Variants in ATXN1 observed in about 807,000 individuals in gnomAD.
The protein encoded by ATXN1 is ataxin 1, also known as ataxin-1.
A neutral mutation model predicts 56.4 loss-of-function variants in ATXN1; 8 were observed. That is an observed-to-expected ratio of 0.14 (90% CI 0.08 to 0.26). The LOEUF (loss-of-function observed/expected upper bound fraction) is 0.26, where lower values mean the gene tolerates loss of function less well. ATXN1 is among the 10% of genes least tolerant of loss of function. ATXN1 has a pLI of 1.00. For synonymous variants in ATXN1, 514 were observed against 494.6 expected (o/e 1.04, Z -0.52); for missense variants, 987 against 1,106.5 (o/e 0.89, Z 1.53).
intron 5 of ATXN1, among the ~76,000 whole-genome samples, chr6:16,500,739 A>T (rs965191890): frequency 1.3e-4 from 10 of 75,432 alleles, no homozygotes; most frequent in South Asian, 4.5e-4. Flanking sequence ...TCATTATGAT[A>T]AAAAAAAAAA....
chr6:16,713,671 T>C (rs1176554103), intron 2 of ATXN1, among the ~76,000 whole-genome samples: 1 of 152,188 alleles, frequency 6.6e-6, no homozygotes, highest in Non-Finnish European at 1.5e-5. Context: ...TTACTACCCC[T>C]CACTTAAAGT....
intron 6 of ATXN1, among the ~76,000 whole-genome samples, chr6:16,331,162 G>A (rs910196395): frequency 1.4e-4 from 22 of 152,106 alleles, no homozygotes; most frequent in Non-Finnish European, 8.8e-5. Flanking sequence ...CGCCATGCCT[G>A]GCTAATTTTT....
chr6:16,711,555 T>C (rs1027811579), intron 2 of ATXN1, among the ~76,000 whole-genome samples: 4 of 150,692 alleles, frequency 2.7e-5, no homozygotes, highest in Non-Finnish European at 4.4e-5. Context: ...TATACACATA[T>C]ATATATACAC....
At chr6:16,526,041 C>CTATATATATATATATATATATATA (rs71769107) in intron 4 of ATXN1, among the ~76,000 whole-genome samples, 7 of 127,138 alleles carry the variant, frequency 5.5e-5, no homozygotes, top group African/African-American at 1.3e-4. Context: ...AGAAATAAAT[C>CTATATATATATATATATATATATA]TATATATATA....
chr6:16,684,098 C>T (rs1045729970), intron 2 of ATXN1, among the ~76,000 whole-genome samples: 1 of 152,182 alleles, frequency 6.6e-6, no homozygotes, highest in Non-Finnish European at 1.5e-5. Flanking sequence ...TAGAAGTCAT[C>T]CCCCAAACTT....
intron 3 of ATXN1, among the ~76,000 whole-genome samples, chr6:16,616,628 T>C (rs1247063104): frequency 7.0e-6 from 1 of 142,466 alleles, no homozygotes; most frequent in Non-Finnish European, 1.5e-5. Context: ...TATATATTTA[T>C]ATAAAATATA....
chr6:16,663,473 T>C (rs1403080245), intron 2 of ATXN1, among the ~76,000 whole-genome samples: 2 of 152,148 alleles, frequency 1.3e-5, no homozygotes, highest in African/African-American at 4.8e-5. Context: ...TTCTGTGGCA[T>C]AGACATGTGA....
intron 6 of ATXN1, among the ~76,000 whole-genome samples, chr6:16,402,242 GTTTTTTTTTTTTTTTTTTTTTTTTT>G (rs58048762): frequency 3.2e-5 from 2 of 62,118 alleles, no homozygotes; most frequent in East Asian, 5.9e-4. Flanking sequence ...ACCACTGACA[GTTTTTTTTTTTTTTTTTTTTTTTTT>G]TTTTTTTTTT....
chr6:16,323,525 CAAAAAAAAAA>C (rs35308265), intron 7 of ATXN1, among the ~76,000 whole-genome samples: 31 of 48,850 alleles, frequency 6.3e-4, no homozygotes, highest in African/African-American at 1.6e-3. Context: ...ACTCTGTCTC[CAAAAAAAAAA>C]AAAAAAAAAA....
intron 6 of ATXN1, among the ~76,000 whole-genome samples, chr6:16,355,971 G>A (rs1386377407): frequency 1.3e-5 from 2 of 152,148 alleles, no homozygotes; most frequent in East Asian, 3.9e-4. Context: ...GCAGATGAAG[G>A]GCTGACTCTG....
chr6:16,391,550 T>G (rs1174731115), intron 6 of ATXN1, among the ~76,000 whole-genome samples: 1 of 152,190 alleles, frequency 6.6e-6, no homozygotes, highest in Non-Finnish European at 1.5e-5. Context: ...CGGAGGAAAT[T>G]TAAGTATAAC....
At chr6:16,355,352 T>C (rs963519826) in intron 6 of ATXN1, among the ~76,000 whole-genome samples, 12 of 152,336 alleles carry the variant, frequency 7.9e-5, no homozygotes, top group South Asian at 2.1e-4. Flanking sequence ...CCACCTTCCA[T>C]TTTCCCCAGC....
chr6:16,489,413 T>A (rs1160057580), intron 5 of ATXN1, among the ~76,000 whole-genome samples: 3 of 152,168 alleles, frequency 2.0e-5, no homozygotes, highest in Non-Finnish European at 4.4e-5. Context: ...TCAAAAAAAA[T>A]TAAATTACAA....
intron 6 of ATXN1, among the ~76,000 whole-genome samples, chr6:16,398,973 ATG>A (rs1758510760): frequency 6.6e-6 from 1 of 152,224 alleles, no homozygotes; most frequent in African/African-American, 2.4e-5. Context: ...TGGACTCACC[ATG>A]AGAGGACGAT....
chr6:16,755,412 A>G (rs1760856832), intron 1 of ATXN1, among the ~76,000 whole-genome samples: 1 of 152,186 alleles, frequency 6.6e-6, no homozygotes, highest in African/African-American at 2.4e-5. Context: ...AAAATGGAAT[A>G]CTCAATATTT....
chr6:16,371,602 A>C (rs1304007209), intron 6 of ATXN1, among the ~76,000 whole-genome samples: 1 of 152,142 alleles, frequency 6.6e-6, no homozygotes, highest in Non-Finnish European at 1.5e-5. Flanking sequence ...TGTTGCATCT[A>C]GAGTGCAGTG....
intron 3 of ATXN1, among the ~76,000 whole-genome samples, chr6:16,646,878 G>T (rs1373389653): frequency 6.6e-6 from 1 of 152,200 alleles, no homozygotes; most frequent in Non-Finnish European, 1.5e-5. Flanking sequence ...AATAAACACT[G>T]GAAAAATTTT....
chr6:16,345,586 G>A (rs921371514), intron 6 of ATXN1, among the ~76,000 whole-genome samples: 1 of 152,154 alleles, frequency 6.6e-6, no homozygotes, highest in Non-Finnish European at 1.5e-5. Flanking sequence ...TCGGTGAATG[G>A]GTGGCTGACT....
intron 6 of ATXN1, among the ~76,000 whole-genome samples, chr6:16,359,845 G>A (rs184785781): frequency 2.6e-5 from 4 of 152,094 alleles, no homozygotes; most frequent in African/African-American, 9.6e-5. Context: ...ATGTTCTCAC[G>A]CATAAGTGGG....
Sources: gnomAD v4.1 joint callset for allele counts (sites outside exome capture counted in the v4.1 genomes callset) on GRCh38, gnomAD v4.1.1 for gene constraint, MANE v1.5 for transcripts, NCBI Gene and HGNC (gene_info 2026-07-23, HGNC 2026-07-21) for gene names.